Variants in SMYD3 observed in about 807,000 individuals in gnomAD.
The protein encoded by SMYD3 is SET and MYND domain containing 3.
A neutral mutation model predicts 57.7 loss-of-function variants in SMYD3; 36 were observed. The ratio of observed to expected loss-of-function variants is 0.62; its 90% CI spans 0.48 to 0.82. The LOEUF (loss-of-function observed/expected upper bound fraction) is 0.82, where lower values mean the gene tolerates loss of function less well. Ranked by LOEUF, SMYD3 falls within the 40% of genes least tolerant of loss-of-function variation. The pLI is 0.00. For missense variants in SMYD3, 515 were observed against 538.8 expected (o/e 0.96, Z 0.44); for synonymous variants, 211 against 195.0 (o/e 1.08, Z -0.68).
intron 5 of SMYD3, among the ~76,000 whole-genome samples, chr1:245,943,216 T>G (rs4564107): frequency 0.072 from 10,617 of 147,020 alleles, 698 homozygotes; most frequent in East Asian, 0.23. Context: ...TGAGTTTTTT[T>G]TTTTTTTTTT....
intron 5 of SMYD3, among the ~76,000 whole-genome samples, chr1:246,119,306 T>C (rs1301196167): frequency 6.6e-6 from 1 of 152,002 alleles, no homozygotes; most frequent in African/African-American, 2.4e-5. Flanking sequence ...CCAAGACTTC[T>C]CCTATTTGAG....
intron 7 of SMYD3, among the ~76,000 whole-genome samples, chr1:245,927,711 A>C (rs1021912168): frequency 1.3e-5 from 2 of 152,198 alleles, no homozygotes; most frequent in African/African-American, 4.8e-5. Context: ...GTCATCATCC[A>C]GAAATATGGT....
chr1:245,822,614 C>T (rs1326452918), intron 10 of SMYD3, among the ~76,000 whole-genome samples: 2 of 151,720 alleles, frequency 1.3e-5, no homozygotes, highest in East Asian at 1.9e-4. Flanking sequence ...CTGAGGAGCT[C>T]GGCTGTTTTA....
intron 7 of SMYD3, among the ~76,000 whole-genome samples, chr1:245,921,181 T>C (rs1202669665): frequency 6.6e-6 from 1 of 152,168 alleles, no homozygotes; most frequent in Non-Finnish European, 1.5e-5. Flanking sequence ...TGGTTTTAAA[T>C]GCTCCACATC....
chr1:246,156,482 A>G (rs554082155), intron 5 of SMYD3, among the ~76,000 whole-genome samples: 2 of 152,236 alleles, frequency 1.3e-5, no homozygotes, highest in Non-Finnish European at 2.9e-5. Context: ...CCCCATAAAA[A>G]TAAGTTCTAT....
chr1:246,257,131 T>C (rs2063909974), intron 5 of SMYD3, among the ~76,000 whole-genome samples: 1 of 152,198 alleles, frequency 6.6e-6, no homozygotes, highest in African/African-American at 2.4e-5. Context: ...AGAATGTATG[T>C]TCTGTGGTTG....
chr1:245,990,005 C>T (rs1347467088), intron 5 of SMYD3, among the ~76,000 whole-genome samples: 1 of 152,156 alleles, frequency 6.6e-6, no homozygotes, highest in Non-Finnish European at 1.5e-5. Flanking sequence ...TCCTGTGTTA[C>T]CTGAGGTAGT....
At chr1:246,157,375 C>A (rs548580723) in intron 5 of SMYD3, among the ~76,000 whole-genome samples, 12 of 152,174 alleles carry the variant, frequency 7.9e-5, no homozygotes, top group African/African-American at 2.7e-4. Context: ...CAGAACACTG[C>A]CTAGTTTAAG....
intron 1 of SMYD3, among the ~76,000 whole-genome samples, chr1:246,495,458 C>T (rs2068345666): frequency 1.3e-5 from 2 of 151,912 alleles, no homozygotes; most frequent in African/African-American, 4.8e-5. Context: ...TAAATCTCCC[C>T]GAGTGCTTTC....
At chr1:245,867,423 T>TA (rs1351804411) in intron 8 of SMYD3, among the ~76,000 whole-genome samples, 3 of 152,248 alleles carry the variant, frequency 2.0e-5, no homozygotes, top group Non-Finnish European at 2.9e-5. Context: ...ATGTAGTCCC[T>TA]AACATACCTT....
chr1:245,772,037 T>C (rs960391178), intron 10 of SMYD3, among the ~76,000 whole-genome samples: 1 of 152,170 alleles, frequency 6.6e-6, no homozygotes, highest in Admixed American at 6.5e-5. Flanking sequence ...CTGTGCTTTG[T>C]TGGTGACAGG....
intron 1 of SMYD3, among the ~76,000 whole-genome samples, chr1:246,427,519 CAA>C (rs200791623): frequency 2.2e-5 from 3 of 135,796 alleles, no homozygotes; most frequent in East Asian, 4.3e-4. Flanking sequence ...GACTCCGTCT[CAA>C]AAAAAAAAAA....
chr1:246,242,923 C>G (rs1002510417), intron 5 of SMYD3, among the ~76,000 whole-genome samples: 29 of 152,106 alleles, frequency 1.9e-4, no homozygotes, highest in Non-Finnish European at 3.5e-4. Flanking sequence ...TATATATGCA[C>G]CCAATACAGA....
At chr1:245,866,413 G>T (rs73140710) in intron 8 of SMYD3, among the ~76,000 whole-genome samples, 3 of 146,134 alleles carry the variant, frequency 2.1e-5, no homozygotes, top group Non-Finnish European at 3.1e-5. Context: ...ACATGGAGGA[G>T]GGAGGAGATA....
rs373970931 is a variant in SMYD3 at position 246,102,318 on chromosome 1, C to T, written c.532-172381G>A. 2.6e-5 allele frequency among the ~76,000 whole-genome samples: 4 copies of T among 152,294 alleles called. No homozygotes were observed. In the East Asian group the frequency reaches 7.7e-4, roughly 29 times the overall value. On this transcript the variant is annotated intron_variant, in intron 5 of 11. Coordinates refer to ENST00000490107, the MANE Select transcript of SMYD3 (RefSeq NM_001167740.2). Reference sequence around the variant, plus strand: ...TCTAGTTCAGATTCCAAATATTTCTCACCTGAACCACTGCACCGTCTCTCA... The same window carrying T: ...TCTAGTTCAGATTCCAAATATTTCTTACCTGAACCACTGCACCGTCTCTCA...
intron 5 of SMYD3, among the ~76,000 whole-genome samples, chr1:246,147,513 T>C (rs1572106993): frequency 6.6e-6 from 1 of 152,138 alleles, no homozygotes; most frequent in Admixed American, 6.5e-5. Context: ...GCACACTCCA[T>C]GGAGGCGGTG....
intron 5 of SMYD3, among the ~76,000 whole-genome samples, chr1:245,947,134 AATGG>A (rs1189545899): frequency 6.6e-6 from 1 of 152,104 alleles, no homozygotes; most frequent in African/African-American, 2.4e-5. Flanking sequence ...CGTCAACTAA[AATGG>A]ATGGCCTTTG....
At chr1:245,879,946 G>A (rs1014441815) in intron 8 of SMYD3, among the ~76,000 whole-genome samples, 4 of 144,766 alleles carry the variant, frequency 2.8e-5, no homozygotes, top group South Asian at 2.4e-4. Context: ...GCACAGGTGC[G>A]TTGCTGTACA....
At chr1:246,443,211 G>T (rs542416595) in intron 1 of SMYD3, among the ~76,000 whole-genome samples, 1 of 152,182 alleles carries the variant, frequency 6.6e-6, no homozygotes, top group Admixed American at 6.5e-5. Flanking sequence ...CAAGGAGTAA[G>T]ATTCTAATGT....
Sources: gnomAD v4.1 joint callset for allele counts (sites outside exome capture counted in the v4.1 genomes callset) on GRCh38, gnomAD v4.1.1 for gene constraint, MANE v1.5 for transcripts, NCBI Gene and HGNC (gene_info 2026-07-23, HGNC 2026-07-21) for gene names.